COL15A1: variants seen among roughly 807,000 people sequenced by gnomAD.
The protein encoded by COL15A1 is collagen alpha-1(XV) chain.
Under a neutral mutation model 165.9 loss-of-function variants are expected in COL15A1, and 111 were observed. The ratio of observed to expected loss-of-function variants is 0.67; its 90% CI spans 0.57 to 0.78. The LOEUF (loss-of-function observed/expected upper bound fraction) is 0.78. Ranked by LOEUF, COL15A1 falls within the 30% of genes least tolerant of loss-of-function variation. COL15A1 has a pLI of 0.00. For missense variants in COL15A1, 1,745 were observed against 1,789.7 expected, an observed-to-expected ratio of 0.98 and a Z score of 0.45; for synonymous variants, 659 against 674.8, an observed-to-expected ratio of 0.98 and a Z score of 0.36.
At chr9:98,954,050 A>T in intron 2 of COL15A1, among the ~76,000 whole-genome samples, 1 of 152,146 alleles carries the variant, frequency 6.6e-6, no homozygotes, top group East Asian at 1.9e-4. Flanking sequence ...CTCATAGTTC[A>T]GTAGTAGAGA....
At position 99,056,401 on chromosome 9, in the gene COL15A1, G is replaced by A. The variant is rs368401631; in HGVS notation, c.3334G>A (p.Ala1112Thr). 2 of 1,607,826 alleles carry A rather than the reference G, an allele frequency of 1.2e-6. No individual in the cohort carries two copies. Among genetic ancestry groups the A allele is most frequent in the African/African-American group, 2.7e-5 (2 of 74,706 alleles). The stretch of plus-strand genomic sequence containing the variant: ...ACCAGGACCTCCAGCTATCCTGGGA[G>A]CAGGTTAGTGCCGTAAACAGTGCCC... ...GPPGPPAILG[A>T]AVALPGPPGP... Residue 1112 changes from alanine to threonine, a missense_variant, in exon 35 of 42, where the codon GCA becomes ACA. Coordinates refer to ENST00000375001, the MANE Select transcript of COL15A1 (RefSeq NM_001855.5).
At chr9:98,950,550 C>CCCTTCCTTCCTTCCTT (rs60753911) in intron 2 of COL15A1, among the ~76,000 whole-genome samples, 788 of 66,930 alleles carry the variant, frequency 0.012, 21 homozygotes, top group East Asian at 0.074. Context: ...CCTTCCCTTC[C>CCCTTCCTTCCTTCCTT]CCTTCCTTCC....
intron 14 of COL15A1, 125 bp from the exon 15 acceptor site, chr9:99,024,749 T>G: frequency 2.3e-5 from 26 of 1,129,366 alleles, no homozygotes; most frequent in Non-Finnish European, 3.1e-5. Flanking sequence ...CCGCATCTGC[T>G]AAGTGGGATC....
At chr9:99,022,824 T>C (rs967413032) in intron 13 of COL15A1, among the ~76,000 whole-genome samples, 17 of 152,270 alleles carry the variant, frequency 1.1e-4, no homozygotes, top group Non-Finnish European at 1.8e-4. Context: ...GTTCTTCAGA[T>C]ACATTTGATG....
At chr9:98,989,029 C>CAT (rs1256940577) in intron 4 of COL15A1, 149 bp from the exon 5 acceptor site, 15 of 488,228 alleles carry the variant, frequency 3.1e-5, no homozygotes, top group Non-Finnish European at 5.8e-5. Context: ...CATAGACACA[C>CAT]ACACACACAC....
intron 9 of COL15A1, among the ~76,000 whole-genome samples, chr9:99,012,801 T>A (rs2118981870): frequency 7.6e-6 from 1 of 131,008 alleles, no homozygotes; most frequent in South Asian, 2.7e-4. Flanking sequence ...AACCTCCACC[T>A]CCTGGGTTCA....
intron 2 of COL15A1, among the ~76,000 whole-genome samples, chr9:98,953,147 G>C (rs1000504133): frequency 4.6e-5 from 7 of 152,202 alleles, no homozygotes; most frequent in Non-Finnish European, 1.0e-4. Context: ...TGTCTAGTGT[G>C]GAGAATGGAT....
chr9:99,040,601 G>C, intron 23 of COL15A1, 45 bp downstream of exon 23: 1 of 1,614,124 alleles, frequency 6.2e-7, no homozygotes, highest in African/African-American at 1.3e-5. Flanking sequence ...CCGTGGCTGC[G>C]ATCATTCTGT....
intron 2 of COL15A1, among the ~76,000 whole-genome samples, chr9:98,954,425 G>A (rs1033824895): frequency 1.3e-5 from 2 of 152,126 alleles, no homozygotes; most frequent in African/African-American, 4.8e-5. Context: ...TCTGTACATT[G>A]CATTTAGTGT....
At chr9:99,060,813 G>C (rs746999583) in intron 36 of COL15A1, among the ~76,000 whole-genome samples, 1 of 152,094 alleles carries the variant, frequency 6.6e-6, no homozygotes, top group Non-Finnish European at 1.5e-5. Flanking sequence ...CTGGGAAGTC[G>C]AGGCTCCAGT....
chr9:99,050,828 T>G (rs1258138577), intron 30 of COL15A1, among the ~76,000 whole-genome samples: 1 of 152,138 alleles, frequency 6.6e-6, no homozygotes, highest in Non-Finnish European at 1.5e-5. Flanking sequence ...AAGGCTTGGG[T>G]CATAGCCTTC....
At chr9:98,975,535 GCT>G (rs1838128376) in intron 2 of COL15A1, among the ~76,000 whole-genome samples, 1 of 152,222 alleles carries the variant, frequency 6.6e-6, no homozygotes, top group Non-Finnish European at 1.5e-5. Context: ...CCTGAACCCT[GCT>G]CTGTTTGTTT....
At chr9:99,030,490 C>T (rs750013455) in intron 16 of COL15A1, among the ~76,000 whole-genome samples, 8 of 152,192 alleles carry the variant, frequency 5.3e-5, no homozygotes, top group Admixed American at 2.6e-4. Context: ...TTAATCTACT[C>T]GTGTTCCAAG....
chr9:99,065,489 T>C (rs962464845), intron 39 of COL15A1, among the ~76,000 whole-genome samples: 2 of 151,900 alleles, frequency 1.3e-5, no homozygotes, highest in African/African-American at 4.8e-5. Context: ...GGTGGAAGTC[T>C]GGTGGCCTGC....
Position 98,953,696 on chromosome 9 carries a change from G to C in COL15A1, c.100+9446G>C, listed in dbSNP as rs565796161. On this transcript the variant is annotated intron_variant, in intron 2 of 41. Coordinates refer to ENST00000375001, the MANE Select transcript of COL15A1 (RefSeq NM_001855.5). Reference sequence around the variant, plus strand: ...AGGGCCCCTGACCTTAGATGCCAGGGAACCCCTTTCTGGGTTTGGAGAGCT... The same window carrying C: ...AGGGCCCCTGACCTTAGATGCCAGGCAACCCCTTTCTGGGTTTGGAGAGCT... 2.5e-4 allele frequency among the ~76,000 whole-genome samples: 38 copies of C among 152,304 alleles called. No individual in the cohort carries two copies. In the South Asian group the frequency reaches 7.7e-3, roughly 31 times the overall value.
rs531888670 is a variant in COL15A1, at chr9:99,022,213, G to A, written c.1761+63G>A. 24 of 1,607,730 alleles carry A rather than the reference G, an allele frequency of 1.5e-5. No individual in the cohort carries two copies. The African/African-American group carries it at 1.9e-4, about 13-fold the overall frequency. ...TAAGACCAGGGATGCGGCCAAAACA[G>A]CCACAGGCTGAGGACTCTCCTTTTT... On this transcript the variant is annotated intron_variant, in intron 13 of 41. Transcript: ENST00000375001.
chr9:99,036,692 A>G (rs1159500869), intron 21 of COL15A1, among the ~76,000 whole-genome samples: 3 of 152,226 alleles, frequency 2.0e-5, no homozygotes, highest in Non-Finnish European at 4.4e-5. Context: ...AGCAGTGCAC[A>G]CTTTCCCCAG....
rs371939035 is a variant in COL15A1 at position 99,064,912 on chromosome 9, C to T, written c.3651+1803C>T. ...GTATTTTATAAATTCAGAACTAATA[C>T]GTATTCATTGCAGAAAATGTCAACA... On this transcript the variant is annotated intron_variant, in intron 39 of 41. Coordinates refer to ENST00000375001, the MANE Select transcript of COL15A1 (RefSeq NM_001855.5). Among the ~76,000 whole-genome samples the T allele has an allele frequency of 7.1e-4, 108 of 152,202 alleles. 2 individuals are homozygous for T. The South Asian group carries it at 0.021, about 30-fold the overall frequency.
Position 99,047,943 on chromosome 9 carries a change from T to C in COL15A1, c.2736T>C (p.Gly912=), listed in dbSNP as rs1289787483. 6.2e-7 allele frequency: 1 copy of C among 1,609,220 alleles called. No individual in the cohort carries two copies. The highest frequency in any genetic ancestry group is 1.3e-5 in the African/African-American group (1 of 74,652). Residue 912 remains glycine, a splice_region_variant and synonymous_variant, in exon 28 of 42, where the codon GGT becomes GGC. Coordinates refer to ENST00000375001, the MANE Select transcript of COL15A1 (RefSeq NM_001855.5). ...GAGGTGTCTGCTGTGGGTTCCAGGG[T>C]CGCCCAGGACTGAATGGCCTCAAGG... is the stretch of plus-strand genomic sequence containing the variant. ...KGEFGLPGRP[G]RPGLNGLKGT...
Sources: allele counts gnomAD v4.1 joint callset (sites outside exome capture counted in the v4.1 genomes callset), GRCh38; gene constraint gnomAD v4.1.1; transcripts MANE v1.5; gene names NCBI Gene and HGNC (gene_info 2026-07-23, HGNC 2026-07-21).